Variants in RABIF observed in about 807,000 individuals in gnomAD.
RABIF encodes the protein guanine nucleotide exchange factor MSS4.
Under a neutral mutation model 12.3 loss-of-function variants are expected in RABIF, and 13 were observed. The ratio of observed to expected loss-of-function variants is 1.06; its 90% confidence interval spans 0.69 to 1.68. The LOEUF (loss-of-function observed/expected upper bound fraction) is 1.68. Among genes scored for constraint, RABIF ranks in the 40% most tolerant of loss-of-function variants. RABIF has a pLI of 0.00. For synonymous variants in RABIF, 70 were observed against 63.3 expected (o/e 1.11, Z -0.50); for missense variants, 153 against 158.0 (o/e 0.97, Z 0.17).
At chr1:202,888,100 TCAC>T (rs1158852367) in intron 1 of RABIF, among the ~76,000 whole-genome samples, 1 of 152,212 alleles carries the variant, frequency 6.6e-6, no homozygotes, top group Non-Finnish European at 1.5e-5. Flanking sequence ...ACATTACACT[TCAC>T]CATCTGTTCA....
rs982115625 is a variant in RABIF at position 202,879,434 on chromosome 1, T to A, written c.*1544A>T. 9.9e-5 allele frequency: 15 copies of A among 152,262 alleles called. No homozygotes were observed. The highest frequency in any genetic ancestry group is 3.6e-4 in the African/African-American group (15 of 41,474). The allele number at this position is 152,262 out of a possible 1,614,324, so 9.4% of individuals were successfully genotyped here. ...AATTTAAAAAATGCTTAGCTTAGGT[T>A]CTGGCTTGTGATGTGAGGGGCCATG... On this transcript the variant is annotated 3_prime_UTR_variant, in exon 2 of 2. Coordinates refer to ENST00000367262, the MANE Select transcript of RABIF (RefSeq NM_002871.5).
intron 1 of RABIF, among the ~76,000 whole-genome samples, chr1:202,887,758 C>CGGA: frequency 6.6e-6 from 1 of 152,160 alleles, no homozygotes; most frequent in African/African-American, 2.4e-5. Flanking sequence ...CCCGCCTCGG[C>CGGA]CTCCCAAAGT....
chr1:202,884,804 G>A (rs1395489282), intron 1 of RABIF, among the ~76,000 whole-genome samples: 4 of 152,080 alleles, frequency 2.6e-5, no homozygotes, highest in African/African-American at 9.7e-5. Context: ...CATTGTTCGG[G>A]CCGGGCACAG....
chr1:202,881,048 G>C lies in RABIF; in HGVS notation c.302C>G (p.Pro101Arg). The stretch of plus-strand genomic sequence containing the variant: ...GTCATCTAGGCAATGCCAGCCAATT[G>C]GTCCAATTTCACAGTCTGCGCAGAC... Reference protein sequence around the residue: ...FLVCADCEIGPIGWHCLDDKN... With the variant: ...FLVCADCEIGRIGWHCLDDKN... The change falls in exon 2 of 2, where the codon CCA becomes CGA. Residue 101 changes from proline to arginine, a missense_variant. Physicochemically the swap from Pro to Arg is moderately radical, Grantham distance 103. This residue lies in a region of RABIF where 40 missense variants were observed against 67.1 expected (regional missense o/e 0.60). Coordinates refer to ENST00000367262, the MANE Select transcript of RABIF (RefSeq NM_002871.5). The C allele has an allele frequency of 1.2e-6, 2 of 1,614,102 alleles. No homozygotes were observed. Among genetic ancestry groups the C allele is most frequent in the East Asian group, 2.2e-5 (1 of 44,888 alleles).
intron 1 of RABIF, among the ~76,000 whole-genome samples, chr1:202,882,646 A>C (rs1659507062): frequency 6.6e-6 from 1 of 151,052 alleles, no homozygotes; most frequent in African/African-American, 2.4e-5. Flanking sequence ...GAACACATTC[A>C]TTTCCCCTGG....
At chr1:202,882,679 C>CTTGT (rs10699912) in intron 1 of RABIF, among the ~76,000 whole-genome samples, 124,665 of 151,460 alleles carry the variant, frequency 0.82, 51,667 homozygotes, top group East Asian at 0.89. Context: ...GCCACTCCTA[C>CTTGT]TTGTTTATTG....
intron 1 of RABIF, among the ~76,000 whole-genome samples, chr1:202,881,659 G>A (rs556472604): frequency 2.6e-5 from 4 of 152,230 alleles, no homozygotes; most frequent in Admixed American, 6.5e-5. Context: ...TGCCTGCCTC[G>A]GCCTCCCGAA....
At chr1:202,884,480 G>A (rs1222807161) in intron 1 of RABIF, among the ~76,000 whole-genome samples, 1 of 152,128 alleles carries the variant, frequency 6.6e-6, no homozygotes, top group Non-Finnish European at 1.5e-5. Context: ...ATATGCAGTG[G>A]AAGTGACAGG....
chr1:202,885,977 A>C lies in RABIF; in HGVS notation c.126+2996T>G, dbSNP rs1423822862. On this transcript the variant is annotated intron_variant, in intron 1 of 1. Coordinates refer to ENST00000367262, the MANE Select transcript of RABIF (RefSeq NM_002871.5). ...AAAAACACAACCCAAAAAAAAAAAA[A>C]CCCACCTTTTTGCCTTTTTAAAAGA... Among the ~76,000 whole-genome samples the C allele has an allele frequency of 4.3e-4, 64 of 149,704 alleles. 1 individual carries two copies. Among genetic ancestry groups the C allele is most frequent in the Non-Finnish European group, 2.2e-4 (15 of 67,596 alleles).
intron 1 of RABIF, among the ~76,000 whole-genome samples, chr1:202,881,942 C>G (rs1659496918): frequency 6.6e-6 from 1 of 152,208 alleles, no homozygotes; most frequent in African/African-American, 2.4e-5. Context: ...ACCAAACAAC[C>G]TGAATTAGCT....
intron 1 of RABIF, among the ~76,000 whole-genome samples, chr1:202,881,829 C>A (rs976256310): frequency 2.6e-5 from 4 of 152,174 alleles, no homozygotes; most frequent in Non-Finnish European, 5.9e-5. Flanking sequence ...GGCTTTCTTG[C>A]CTTCCTCAAA....
At chr1:202,888,545 C>CCAG (rs1490772217) in intron 1 of RABIF, among the ~76,000 whole-genome samples, 1 of 152,220 alleles carries the variant, frequency 6.6e-6, no homozygotes, top group East Asian at 1.9e-4. Context: ...GGAAAGGAAC[C>CCAG]CAGCAACACC....
chr1:202,886,333 G>T, intron 1 of RABIF, among the ~76,000 whole-genome samples: 1 of 143,440 alleles, frequency 7.0e-6, no homozygotes, highest in Middle Eastern at 3.5e-3. Flanking sequence ...GGGAAGGGAA[G>T]GGAGGGAGGG....
intron 1 of RABIF, 49 bp downstream of exon 1, chr1:202,888,924 T>C: frequency 6.8e-7 from 1 of 1,464,846 alleles, no homozygotes; most frequent in Non-Finnish European, 9.1e-7. Context: ...CTGCGGCGGC[T>C]CGTCGGGGGA....
intron 1 of RABIF, among the ~76,000 whole-genome samples, chr1:202,887,829 T>C (rs1428064178): frequency 6.6e-6 from 1 of 152,192 alleles, no homozygotes; most frequent in Non-Finnish European, 1.5e-5. Context: ...TAATGAATGA[T>C]AGTCAGGACT....
intron 1 of RABIF, among the ~76,000 whole-genome samples, chr1:202,886,563 C>T (rs1410671837): frequency 2.6e-5 from 4 of 151,862 alleles, no homozygotes; most frequent in Non-Finnish European, 5.9e-5. Flanking sequence ...CCAGCCTCGG[C>T]GACAGAGGGA....
chr1:202,889,079 G>C lies in RABIF; in HGVS notation c.20C>G (p.Pro7Arg), dbSNP rs779708894. 1.6e-5 allele frequency: 25 copies of C among 1,608,530 alleles called. No homozygotes were observed. The highest frequency in any genetic ancestry group is 9.4e-5 in the African/African-American group (7 of 74,634). Residue 7 changes from proline to arginine, a missense_variant, in exon 1 of 2, where the codon CCG becomes CGG. Coordinates refer to ENST00000367262, the MANE Select transcript of RABIF (RefSeq NM_002871.5). MEPAEQ[P>R]SELVSAEGRN... ...GCCCTCGGCTGACACTAACTCGCTC[G>C]GCTGCTCCGCTGGTTCCATCGCCGC...
In RABIF at chr1:202,880,666, C is replaced by A; in HGVS notation, c.*312G>T. ...CTTCTAGAGCAAGAAAAAGCGGGAG[C>A]CCCTGGGCAAAACAGAGCCTAGGGA... is the stretch of plus-strand genomic sequence containing the variant. On this transcript the variant is annotated 3_prime_UTR_variant, in exon 2 of 2. Coordinates refer to ENST00000367262, the MANE Select transcript of RABIF (RefSeq NM_002871.5). The A allele has an allele frequency of 2.8e-6, 3 of 1,064,868 alleles. No individual in the cohort carries two copies. Among genetic ancestry groups the A allele is most frequent in the South Asian group, 4.0e-5 (1 of 24,722 alleles). 66.0% of individuals were successfully genotyped at this position (1,064,868 alleles called of 1,614,324 possible). A position where few individuals can be genotyped will look rare whatever the true frequency, so the allele number is the denominator to read the frequency against.
chr1:202,882,780 G>C (rs905478409), intron 1 of RABIF, among the ~76,000 whole-genome samples: 2 of 152,094 alleles, frequency 1.3e-5, no homozygotes, highest in East Asian at 3.9e-4. Context: ...GGAAAGCAAG[G>C]AGCTTACTTT....
Sources: gnomAD v4.1 joint callset for allele counts (sites outside exome capture counted in the v4.1 genomes callset) on GRCh38, gnomAD v4.1.1 for gene constraint, gnomAD v4.1.1 regional missense constraint, MANE v1.5 for transcripts, NCBI Gene and HGNC (gene_info 2026-07-23, HGNC 2026-07-21) for gene names.